NEGR1: variants seen among roughly 807,000 people sequenced by gnomAD.
NEGR1 encodes neuronal growth regulator 1.
A neutral mutation model predicts 40.9 loss-of-function variants in NEGR1; 10 were observed. That is an observed-to-expected ratio of 0.24 (90% CI 0.15 to 0.42). The LOEUF (loss-of-function observed/expected upper bound fraction) is 0.42. Ranked by LOEUF, NEGR1 falls within the 10% of genes least tolerant of loss-of-function variation. The probability of loss-of-function intolerance (pLI) is 1.00; values close to 1 mark genes in which losing one functional copy is unlikely to be tolerated. For missense variants in NEGR1, 352 were observed against 438.9 expected (o/e 0.80, Z 1.77); for synonymous variants, 185 against 166.8 (o/e 1.11, Z -0.84).
At chr1:72,246,751 T>G (rs1003964447) in intron 1 of NEGR1, among the ~76,000 whole-genome samples, 1 of 152,172 alleles carries the variant, frequency 6.6e-6, no homozygotes, top group African/African-American at 2.4e-5. Flanking sequence ...GGGGACTCTG[T>G]GTGGGAGCTC....
At chr1:71,943,138 T>A (rs1228341901) in intron 1 of NEGR1, among the ~76,000 whole-genome samples, 1 of 143,912 alleles carries the variant, frequency 6.9e-6, no homozygotes, top group Non-Finnish European at 1.5e-5. Flanking sequence ...TGTATGTGTG[T>A]GTATATATAT....
chr1:72,270,812 A>C (rs1238235526), intron 1 of NEGR1, among the ~76,000 whole-genome samples: 1 of 151,780 alleles, frequency 6.6e-6, no homozygotes, highest in African/African-American at 2.4e-5. Context: ...TTGTGATTCC[A>C]TTTCTTTTGA....
At chr1:71,604,465 T>C (rs1183510535) in intron 5 of NEGR1, among the ~76,000 whole-genome samples, 1 of 152,048 alleles carries the variant, frequency 6.6e-6, no homozygotes, top group Non-Finnish European at 1.5e-5. Flanking sequence ...TGCAGCAAAG[T>C]AAATACTCAC....
At chr1:72,004,484 A>G (rs1037779071) in intron 1 of NEGR1, among the ~76,000 whole-genome samples, 1 of 151,982 alleles carries the variant, frequency 6.6e-6, no homozygotes, top group African/African-American at 2.4e-5. Flanking sequence ...TTAGTACACC[A>G]TGTTTGTCAG....
intron 1 of NEGR1, 79 bp downstream of exon 1, chr1:72,282,240 A>G (rs1262516248): frequency 1.3e-6 from 2 of 1,502,940 alleles, no homozygotes; most frequent in Non-Finnish European, 9.1e-7. Context: ...TGCTTGTGTT[A>G]TAAAGAAGGC....
intron 1 of NEGR1, among the ~76,000 whole-genome samples, chr1:72,031,275 A>G (rs1160761356): frequency 6.6e-6 from 1 of 152,162 alleles, no homozygotes; most frequent in African/African-American, 2.4e-5. Context: ...TTTCTGTGGA[A>G]CTACTTCAAG....
chr1:71,984,359 A>G (rs1235750660), intron 1 of NEGR1, among the ~76,000 whole-genome samples: 3 of 152,128 alleles, frequency 2.0e-5, no homozygotes. Context: ...AACTCCTGGT[A>G]TCAAGTGATC....
intron 1 of NEGR1, among the ~76,000 whole-genome samples, chr1:72,256,383 C>T (rs1203971404): frequency 6.6e-6 from 1 of 152,184 alleles, no homozygotes; most frequent in African/African-American, 2.4e-5. Flanking sequence ...TATCTATGCA[C>T]CAGCTGGCCA....
chr1:72,249,316 A>C (rs1655007684), intron 1 of NEGR1, among the ~76,000 whole-genome samples: 1 of 152,222 alleles, frequency 6.6e-6, no homozygotes, highest in Admixed American at 6.5e-5. Context: ...AATTTCTGCT[A>C]TTTAAAACCT....
chr1:71,467,134 C>G (rs961310453), intron 6 of NEGR1, among the ~76,000 whole-genome samples: 1 of 151,850 alleles, frequency 6.6e-6, no homozygotes, highest in Non-Finnish European at 1.5e-5. Flanking sequence ...ACAAAATTGG[C>G]CTATGTTTTC....
intron 1 of NEGR1, among the ~76,000 whole-genome samples, chr1:72,261,830 A>G (rs1655468098): frequency 6.6e-6 from 1 of 152,086 alleles, no homozygotes. Flanking sequence ...ATGAACATAC[A>G]GAGTGGAATG....
chr1:71,700,029 A>C (rs1653630211), intron 3 of NEGR1, among the ~76,000 whole-genome samples: 1 of 151,974 alleles, frequency 6.6e-6, no homozygotes, highest in African/African-American at 2.4e-5. Flanking sequence ...CTTTATCAGC[A>C]GTGCGAAAGC....
chr1:72,225,334 A>G (rs746403311), intron 1 of NEGR1, among the ~76,000 whole-genome samples: 57 of 152,024 alleles, frequency 3.7e-4, no homozygotes, highest in Non-Finnish European at 6.6e-4. Flanking sequence ...ATGAGGTAAG[A>G]TCATGGTATA....
At chr1:71,590,134 T>C (rs1649449858) in intron 6 of NEGR1, among the ~76,000 whole-genome samples, 1 of 152,104 alleles carries the variant, frequency 6.6e-6, no homozygotes, top group South Asian at 2.1e-4. Flanking sequence ...GGGCATCTCC[T>C]TTATATTTTT....
intron 6 of NEGR1, among the ~76,000 whole-genome samples, chr1:71,464,899 G>T (rs1646735677): frequency 1.3e-5 from 2 of 152,028 alleles, no homozygotes; most frequent in African/African-American, 4.8e-5. Flanking sequence ...AAAGGCAGTG[G>T]TACACAGTTA....
At chr1:71,780,040 CAAAAAAAAAAAAAA>C (rs57576840) in intron 2 of NEGR1, among the ~76,000 whole-genome samples, 11 of 99,736 alleles carry the variant, frequency 1.1e-4, no homozygotes, top group African/African-American at 1.9e-4. Flanking sequence ...ATAGGAAAAC[CAAAAAAAAAAAAAA>C]AAAAAAAAAA....
intron 1 of NEGR1, among the ~76,000 whole-genome samples, chr1:72,281,682 A>T (rs1173980378): frequency 6.6e-6 from 1 of 152,158 alleles, no homozygotes; most frequent in African/African-American, 2.4e-5. Context: ...GTGGAGATAA[A>T]AATGAGAAAA....
chr1:71,690,907 C>T (rs1653255828), intron 4 of NEGR1, among the ~76,000 whole-genome samples: 1 of 151,822 alleles, frequency 6.6e-6, no homozygotes, highest in Non-Finnish European at 1.5e-5. Flanking sequence ...AAACATTTTG[C>T]TCCTGTGTTA....
chr1:71,795,883 T>C (rs1359627692), intron 2 of NEGR1, among the ~76,000 whole-genome samples: 1 of 152,172 alleles, frequency 6.6e-6, no homozygotes, highest in Non-Finnish European at 1.5e-5. Context: ...GTGTTTTGTT[T>C]AAAATATACT....
Sources: allele counts gnomAD v4.1 joint callset (sites outside exome capture counted in the v4.1 genomes callset), GRCh38; gene constraint gnomAD v4.1.1; transcripts MANE v1.5; gene names NCBI Gene and HGNC (gene_info 2026-07-23, HGNC 2026-07-21).